HTT: variants seen among roughly 807,000 people sequenced by gnomAD.
HTT encodes the protein huntingtin.
Under a neutral mutation model 362.3 loss-of-function variants are expected in HTT, and 104 were observed. The ratio of observed to expected loss-of-function variants is 0.29; its 90% CI spans 0.24 to 0.34. The LOEUF is 0.34. Among genes scored for constraint, HTT ranks in the 10% least tolerant of loss-of-function variants. HTT has a pLI of 1.00. For synonymous variants in HTT, 1,577 were observed against 1,548.7 expected, an observed-to-expected ratio of 1.02 and a Z score of -0.43; for missense variants, 3,301 against 3,928.6, an observed-to-expected ratio of 0.84 and a Z score of 4.27.
intron 60 of HTT, among the ~76,000 whole-genome samples, chr4:3,232,819 C>T (rs940558237): frequency 1.3e-5 from 2 of 152,214 alleles, no homozygotes; most frequent in African/African-American, 2.4e-5. Flanking sequence ...ACTAGAGACT[C>T]GGTGCCAGGG....
chr4:3,214,859 A>G (rs1261419468), intron 50 of HTT, among the ~76,000 whole-genome samples: 1 of 152,248 alleles, frequency 6.6e-6, no homozygotes, highest in Admixed American at 6.5e-5. Flanking sequence ...GAGATGGCCA[A>G]CAGGAGACAG....
In HTT at chr4:3,235,610, A is replaced by G. The variant is rs905605918; in HGVS notation, c.8617A>G (p.Ile2873Val). The G allele has an allele frequency of 1.9e-5, 31 of 1,613,766 alleles. No homozygotes were observed. Among genetic ancestry groups the G allele is most frequent in the African/African-American group, 4.0e-5 (3 of 74,918 alleles). ...LSGSEESTPSIIYHCALRGLE... is the reference protein window; with the variant it reads ...LSGSEESTPSVIYHCALRGLE... Reference sequence around the variant, plus strand: ...TGGAAGTGAGGAGTCCACCCCCTCCATCATTTACCACTGTGCCCTCAGAGG... The same window carrying G: ...TGGAAGTGAGGAGTCCACCCCCTCCGTCATTTACCACTGTGCCCTCAGAGG... The change falls in exon 63 of 67, where the codon ATC becomes GTC. Residue 2873 changes from isoleucine to valine, a missense_variant. Ile to Val is a conservative substitution (Grantham distance 29). Transcript: ENST00000355072.
chr4:3,188,690 G>GA (rs1718880951), intron 39 of HTT: 1 of 303,126 alleles, frequency 3.3e-6, no homozygotes, highest in African/African-American at 2.2e-5. Context: ...CAGATGATCA[G>GA]CTTGTATTTG....
intron 3 of HTT, among the ~76,000 whole-genome samples, chr4:3,101,992 G>A (rs1412896556): frequency 6.6e-6 from 1 of 152,250 alleles, no homozygotes; most frequent in African/African-American, 2.4e-5. Context: ...CTGCCAGAGA[G>A]TGGGACACCA....
chr4:3,164,104 C>T (rs1717584496), intron 29 of HTT, among the ~76,000 whole-genome samples: 1 of 152,032 alleles, frequency 6.6e-6, no homozygotes, highest in Non-Finnish European at 1.5e-5. Context: ...TAAATGTGTC[C>T]CAGAGATTCT....
chr4:3,214,113 T>C lies in HTT; in HGVS notation c.6930T>C (p.Cys2310=), dbSNP rs1720283261. ...FVTHACSLIY[C]VHFILEAVAV... ...CCCACGCCTGCTCCCTCATCTACTG[T>C]GTGCACTTCATCCTGGAGGCCGGTG... Residue 2310 remains cysteine (C), a synonymous_variant, in exon 50 of 67, where the codon TGT becomes TGC. Transcript: ENST00000355072. The C allele has an allele frequency of 6.5e-7, 1 of 1,541,882 alleles. No homozygotes were observed. Among genetic ancestry groups the C allele is most frequent in the Non-Finnish European group, 8.8e-7 (1 of 1,135,632 alleles).
intron 6 of HTT, among the ~76,000 whole-genome samples, chr4:3,114,854 A>G (rs1714940759): frequency 6.6e-6 from 1 of 152,228 alleles, no homozygotes; most frequent in South Asian, 2.1e-4. Flanking sequence ...GTTAAATTGC[A>G]GATATTTCCG....
In HTT at chr4:3,214,146, G is replaced by A. The variant is rs201280285; in HGVS notation, c.6952+11G>A. 87 of 1,474,146 alleles carry A rather than the reference G, an allele frequency of 5.9e-5. No individual in the cohort carries two copies. The highest frequency in any genetic ancestry group is 7.2e-5 in the Non-Finnish European group (79 of 1,098,940). The allele number at this position is 1,474,146 out of a possible 1,614,324, so 91.3% of individuals were successfully genotyped here. A position where few individuals can be genotyped will look rare whatever the true frequency, so the allele number is the denominator to read the frequency against. ...TCATCCTGGAGGCCGGTGAGTCCCCGTCCATGAACGGTGGGTTCCTATCAT... is the reference window on the plus strand; with the variant it reads ...TCATCCTGGAGGCCGGTGAGTCCCCATCCATGAACGGTGGGTTCCTATCAT... On this transcript the variant is annotated intron_variant, in intron 50 of 66. Transcript: ENST00000355072.
intron 10 of HTT, among the ~76,000 whole-genome samples, chr4:3,124,748 A>G (rs73088150): frequency 0.011 from 1,750 of 152,242 alleles, 38 homozygotes; most frequent in African/African-American, 0.04. Flanking sequence ...TTCCATGTAG[A>G]TTTTGGGTTT....
At chr4:3,092,623 C>A (rs890414299) in intron 2 of HTT, among the ~76,000 whole-genome samples, 1 of 152,142 alleles carries the variant, frequency 6.6e-6, no homozygotes, top group African/African-American at 2.4e-5. Context: ...CCCAAGTGAT[C>A]CTCCCACCTT....
intron 10 of HTT, 24 bp from the exon 11 acceptor site, chr4:3,125,525 G>A: frequency 6.5e-7 from 1 of 1,543,218 alleles, no homozygotes; most frequent in African/African-American, 1.4e-5. Flanking sequence ...AAACTAAAAG[G>A]AATGTTGGTA....
In HTT at chr4:3,223,563, T is replaced by C; in HGVS notation, c.7625+3T>C. The C allele has an allele frequency of 6.2e-7, 1 of 1,602,686 alleles. No individual in the cohort carries two copies. The highest frequency in any genetic ancestry group is 8.5e-7 in the Non-Finnish European group (1 of 1,173,416). ...CCTCTGAAAGCTCTCGACACCAGGT[T>C]TGCTTGAGTTCCCACGTGTCTCTGG... On this transcript the variant is annotated splice_donor_region_variant and intron_variant, in intron 55 of 66. Transcript: ENST00000355072.
intron 38 of HTT, among the ~76,000 whole-genome samples, chr4:3,187,138 C>A (rs1483884851): frequency 1.4e-5 from 2 of 147,422 alleles, no homozygotes; most frequent in East Asian, 2.0e-4. Flanking sequence ...GGATTACAGG[C>A]GTGAGCCACC....
intron 21 of HTT, among the ~76,000 whole-genome samples, chr4:3,138,860 GC>G (rs1716206925): frequency 6.6e-6 from 1 of 152,172 alleles, no homozygotes; most frequent in Non-Finnish European, 1.5e-5. Flanking sequence ...TGATCCACCT[GC>G]CTTGGCCTTC....
intron 28 of HTT, among the ~76,000 whole-genome samples, chr4:3,158,797 G>C (rs1213281513): frequency 2.6e-5 from 4 of 152,088 alleles, no homozygotes; most frequent in African/African-American, 9.7e-5. Flanking sequence ...CAAAGCAGAA[G>C]ACGGCATGTT....
At chr4:3,159,066 G>A (rs552625612) in intron 28 of HTT, among the ~76,000 whole-genome samples, 12 of 152,310 alleles carry the variant, frequency 7.9e-5, no homozygotes, top group African/African-American at 4.8e-5. Flanking sequence ...AGTGCCTGGC[G>A]TGTCTTGCTG....
intron 1 of HTT, among the ~76,000 whole-genome samples, chr4:3,075,855 G>C (rs762582373): frequency 1.5e-4 from 22 of 150,098 alleles, no homozygotes; most frequent in Non-Finnish European, 2.9e-4. Flanking sequence ...TGAATGAGTT[G>C]TGGTTGCCAA....
At chr4:3,224,164 G>A in intron 56 of HTT, 33 bp downstream of exon 56, 4 of 1,611,786 alleles carry the variant, frequency 2.5e-6, no homozygotes, top group Non-Finnish European at 2.5e-6. Flanking sequence ...GGGAGCGGTT[G>A]TACTTGGGCT....
chr4:3,125,523 A>G, intron 10 of HTT, 26 bp from the exon 11 acceptor site: 1 of 1,534,504 alleles, frequency 6.5e-7, no homozygotes, highest in Non-Finnish European at 9.0e-7. Flanking sequence ...GCAAACTAAA[A>G]GGAATGTTGG....
Sources: allele counts gnomAD v4.1 joint callset (sites outside exome capture counted in the v4.1 genomes callset), GRCh38; gene constraint gnomAD v4.1.1; transcripts MANE v1.5; gene names NCBI Gene and HGNC (gene_info 2026-07-23, HGNC 2026-07-21).